Variants in ROBO1 observed in about 807,000 individuals in gnomAD.
ROBO1 encodes roundabout homolog 1.
A neutral mutation model predicts 195.9 loss-of-function variants in ROBO1; 149 were observed. The ratio of observed to expected loss-of-function variants is 0.76; its 90% CI spans 0.67 to 0.87. The LOEUF (loss-of-function observed/expected upper bound fraction) is 0.87, where lower values mean the gene tolerates loss of function less well. Among genes scored for constraint, ROBO1 ranks in the 40% least tolerant of loss-of-function variants. The pLI is 0.00. For synonymous variants in ROBO1, 816 were observed against 733.2 expected (o/e 1.11, Z -1.82); for missense variants, 1,933 against 2,068.3 (o/e 0.93, Z 1.27).
intron 2 of ROBO1, among the ~76,000 whole-genome samples, chr3:79,360,470 T>G (rs1430869891): frequency 6.6e-6 from 1 of 151,912 alleles, no homozygotes; most frequent in African/African-American, 2.4e-5. Context: ...AAAAAGAAAA[T>G]AAAATAAATA....
intron 2 of ROBO1, among the ~76,000 whole-genome samples, chr3:79,460,262 A>G (rs570719574): frequency 1.3e-5 from 2 of 152,324 alleles, no homozygotes; most frequent in South Asian, 4.1e-4. Context: ...CCATCAATAT[A>G]TGGAGACTAC....
chr3:79,098,947 A>G (rs964471239), intron 3 of ROBO1, among the ~76,000 whole-genome samples: 2 of 151,742 alleles, frequency 1.3e-5, no homozygotes, highest in African/African-American at 4.8e-5. Flanking sequence ...CCCATTGATA[A>G]TGGGTGATCA....
intron 3 of ROBO1, among the ~76,000 whole-genome samples, chr3:78,943,155 A>G (rs1052017962): frequency 4.0e-5 from 6 of 151,888 alleles, no homozygotes; most frequent in Admixed American, 3.3e-4. Flanking sequence ...GGCGGAGCTT[A>G]CAGTGAGCCA....
chr3:78,679,757 C>G (rs2080843982), intron 10 of ROBO1, among the ~76,000 whole-genome samples: 1 of 152,042 alleles, frequency 6.6e-6, no homozygotes, highest in Non-Finnish European at 1.5e-5. Flanking sequence ...CCATACTGCC[C>G]AAGGTAATTT....
At chr3:78,619,902 C>G (rs142058899) in intron 26 of ROBO1, among the ~76,000 whole-genome samples, 1 of 151,122 alleles carries the variant, frequency 6.6e-6, no homozygotes, top group Non-Finnish European at 1.5e-5. Context: ...CCTGTAATCC[C>G]AGCTACTCGG....
chr3:79,519,806 C>G (rs1364253848), intron 2 of ROBO1, among the ~76,000 whole-genome samples: 7 of 151,718 alleles, frequency 4.6e-5, no homozygotes, highest in African/African-American at 1.7e-4. Flanking sequence ...CAATCCTCCT[C>G]TAGGCAAAGG....
At chr3:79,224,195 A>G (rs1286978757) in intron 2 of ROBO1, among the ~76,000 whole-genome samples, 1 of 152,228 alleles carries the variant, frequency 6.6e-6, no homozygotes, top group Non-Finnish European at 1.5e-5. Flanking sequence ...AACAAAACAA[A>G]GCAAAAATAG....
chr3:79,419,855 T>G, intron 2 of ROBO1, among the ~76,000 whole-genome samples: 1 of 152,108 alleles, frequency 6.6e-6, no homozygotes, highest in East Asian at 1.9e-4. Flanking sequence ...GACTAACATT[T>G]GGAATCTGAC....
intron 1 of ROBO1, among the ~76,000 whole-genome samples, chr3:79,645,254 C>A (rs943125167): frequency 5.9e-5 from 9 of 151,960 alleles, no homozygotes; most frequent in Non-Finnish European, 1.0e-4. Flanking sequence ...GTAATCACAC[C>A]ACTTTGGGAT....
chr3:79,388,066 C>T (rs562289933), intron 2 of ROBO1, among the ~76,000 whole-genome samples: 8 of 152,212 alleles, frequency 5.3e-5, no homozygotes, highest in African/African-American at 1.7e-4. Context: ...CTTGGTTAAG[C>T]TATTAAAAGA....
intron 5 of ROBO1, among the ~76,000 whole-genome samples, chr3:78,725,173 A>G (rs2082133083): frequency 6.6e-6 from 1 of 152,166 alleles, no homozygotes; most frequent in South Asian, 2.1e-4. Flanking sequence ...AGAAGCCCAC[A>G]TTTCCATAAG....
chr3:79,750,627 A>G (rs1057269191), intron 1 of ROBO1, among the ~76,000 whole-genome samples: 4 of 152,144 alleles, frequency 2.6e-5, no homozygotes, highest in African/African-American at 9.7e-5. Context: ...ATCTCCTGAG[A>G]TCTGATGGCT....
intron 2 of ROBO1, among the ~76,000 whole-genome samples, chr3:79,463,947 A>G (rs1937802564): frequency 6.6e-6 from 1 of 152,078 alleles, no homozygotes; most frequent in South Asian, 2.1e-4. Flanking sequence ...ATCCTTTCCC[A>G]CTAGACCTAA....
At chr3:79,165,486 T>C (rs1050817105) in intron 2 of ROBO1, among the ~76,000 whole-genome samples, 1 of 152,216 alleles carries the variant, frequency 6.6e-6, no homozygotes, top group African/African-American at 2.4e-5. Flanking sequence ...AAGGAGATTG[T>C]CTACAAAGTC....
At chr3:78,764,588 C>T (rs981878370) in intron 4 of ROBO1, among the ~76,000 whole-genome samples, 1 of 152,122 alleles carries the variant, frequency 6.6e-6, no homozygotes, top group African/African-American at 2.4e-5. Context: ...ATTAGACCAG[C>T]CCCAGAAACC....
At chr3:79,560,535 T>TTTTA (rs1553764936) in intron 2 of ROBO1, among the ~76,000 whole-genome samples, 3 of 115,226 alleles carry the variant, frequency 2.6e-5, no homozygotes, top group African/African-American at 1.2e-4. Flanking sequence ...ATAATAATAA[T>TTTTA]TATATATATA....
chr3:79,059,913 A>G (rs903414935), intron 3 of ROBO1, among the ~76,000 whole-genome samples: 3 of 152,040 alleles, frequency 2.0e-5, no homozygotes, highest in Non-Finnish European at 4.4e-5. Flanking sequence ...AACAAGGGAG[A>G]TAACCATAAG....
chr3:78,853,153 G>A (rs1379973074), intron 4 of ROBO1, among the ~76,000 whole-genome samples: 1 of 152,014 alleles, frequency 6.6e-6, no homozygotes, highest in Non-Finnish European at 1.5e-5. Flanking sequence ...AGTTCTGGGA[G>A]TCATCAGTTA....
intron 2 of ROBO1, among the ~76,000 whole-genome samples, chr3:79,293,629 G>C (rs571338585): frequency 2.7e-4 from 41 of 152,250 alleles, no homozygotes; most frequent in African/African-American, 9.9e-4. Context: ...AAATAGCAGA[G>C]GACATGAACA....
Sources: allele counts gnomAD v4.1 joint callset (sites outside exome capture counted in the v4.1 genomes callset), GRCh38; gene constraint gnomAD v4.1.1; transcripts MANE v1.5; gene names NCBI Gene and HGNC (gene_info 2026-07-23, HGNC 2026-07-21).